The following TTC34 variants were observed in gnomAD, a reference collection of about 807,000 sequenced individuals.
The protein encoded by TTC34 is tetratricopeptide repeat domain 34, also known as tetratricopeptide repeat protein 34.
TTC34 carries 44 observed loss-of-function variants against 40.7 expected under a neutral mutation model. That is an observed-to-expected ratio of 1.08 (90% CI 0.85 to 1.39). The LOEUF (loss-of-function observed/expected upper bound fraction) is 1.39, where lower values mean the gene tolerates loss of function less well. Ranked by LOEUF, TTC34 falls within the 40% of genes most tolerant of loss-of-function variation. The probability of loss-of-function intolerance (pLI) is 0.00; values close to 1 mark genes in which losing one functional copy is unlikely to be tolerated. For synonymous variants in TTC34, 422 were observed against 398.6 expected (o/e 1.06, Z -0.70); for missense variants, 884 against 838.0 (o/e 1.05, Z -0.68).
intron 8 of TTC34, among the ~76,000 whole-genome samples, chr1:2,642,481 G>T (rs1372713519): frequency 6.6e-6 from 1 of 152,178 alleles, no homozygotes; most frequent in East Asian, 1.9e-4. Flanking sequence ...TGTGCTGTGG[G>T]CTGCTGCTGG....
Position 2,751,859 on chromosome 1 carries a change from A to T in TTC34, c.2226+31750T>A, listed in dbSNP as rs1329411641. 1.9e-5 allele frequency among the ~76,000 whole-genome samples: 2 copies of T among 105,404 alleles called. 1 individual carries two copies. The highest frequency in any genetic ancestry group is 3.6e-5 in the Non-Finnish European group (2 of 55,026). The allele number at this position is 105,404 out of a possible 152,430, so 69.1% of individuals were successfully genotyped here. On this transcript the variant is annotated intron_variant, in intron 6 of 8. Coordinates refer to ENST00000401095, the Ensembl canonical transcript of TTC34. Reference sequence around the variant, plus strand: ...GAACAGCACCCTGCACCCCCAAGTGAGCATCCGACAGCCTGGAGCAGCACC... The same window carrying T: ...GAACAGCACCCTGCACCCCCAAGTGTGCATCCGACAGCCTGGAGCAGCACC...
intron 6 of TTC34, among the ~76,000 whole-genome samples, chr1:2,753,639 C>G (rs1264962318): frequency 5.6e-5 from 6 of 106,782 alleles, no homozygotes; most frequent in African/African-American, 3.1e-4. Context: ...CTTCTGACAG[C>G]CTGGAGCAGC....
chr1:2,691,269 T>A (rs74211938), intron 6 of TTC34, among the ~76,000 whole-genome samples: 20 of 67,830 alleles, frequency 2.9e-4, no homozygotes, highest in African/African-American at 4.5e-4. Flanking sequence ...CACCCCCAGG[T>A]GAGAATCCGA....
At chr1:2,780,071 G>A (rs1027244906) in intron 6 of TTC34, among the ~76,000 whole-genome samples, 10 of 152,128 alleles carry the variant, frequency 6.6e-5, no homozygotes, top group African/African-American at 2.2e-4. Flanking sequence ...CTGAGATCCC[G>A]CCACTGCACT....
chr1:2,699,409 A>C (rs1400976549), intron 6 of TTC34, among the ~76,000 whole-genome samples: 2 of 79,202 alleles, frequency 2.5e-5, no homozygotes, highest in East Asian at 4.8e-4. Context: ...ACAGCACCCC[A>C]CACCCCAAGG....
intron 6 of TTC34, among the ~76,000 whole-genome samples, chr1:2,653,690 C>A (rs1428137048): frequency 1.5e-4 from 23 of 151,534 alleles, no homozygotes; most frequent in African/African-American, 4.4e-4. Flanking sequence ...GCACCCACAC[C>A]CCCAGGTGAG....
chr1:2,681,104 C>A (rs1189828120), intron 6 of TTC34, among the ~76,000 whole-genome samples: 3 of 86,446 alleles, frequency 3.5e-5, no homozygotes, highest in Non-Finnish European at 8.1e-5. Flanking sequence ...GTGCCCACAC[C>A]CCCAGGTGAG....
exon 2 of TTC34, chr1:2,800,743 C>T (rs1021132551): frequency 6.0e-5 from 24 of 398,786 alleles, no homozygotes; most frequent in Non-Finnish European, 9.7e-5. Context: ...AGGTAGAAGG[C>T]GGTGGCCAGG....
Position 2,641,660 on chromosome 1 carries a change from T to A in TTC34, c.2948A>T (p.Gln983Leu), listed in dbSNP as rs1212304499. ...CCCCAGGCTCAGCAGCAGGCGACCCTGACGGCAGAAGTCCTCTGCCCGCCT... is the reference window on the plus strand; with the variant it reads ...CCCCAGGCTCAGCAGCAGGCGACCCAGACGGCAGAAGTCCTCTGCCCGCCT... The change falls in exon 9 of 9, where the codon CAG becomes CTG. Residue 983 changes from glutamine (Q) to leucine (L), a missense_variant. Physicochemically the swap from Gln to Leu is moderately radical, Grantham distance 113 (BLOSUM62 -2). Coordinates refer to ENST00000401095, the Ensembl canonical transcript of TTC34. 3 of 1,535,378 alleles carry A rather than the reference T, an allele frequency of 2.0e-6. No individual in the cohort carries two copies. The South Asian group carries it at 3.6e-5, about 18-fold the overall frequency.
At chr1:2,793,195 A>T (rs980680315) in intron 2 of TTC34, among the ~76,000 whole-genome samples, 3 of 152,040 alleles carry the variant, frequency 2.0e-5, no homozygotes, top group Non-Finnish European at 4.4e-5. Context: ...TTTTTTCCCC[A>T]ATCTGGTGGG....
At chr1:2,776,358 A>G (rs541622467) in intron 6 of TTC34, 37 of 136,518 alleles carry the variant, frequency 2.7e-4, no homozygotes, top group Non-Finnish European at 5.0e-4. Flanking sequence ...CTGGTAAAAC[A>G]ACCCCCTTCA....
At chr1:2,756,653 A>C (rs1641515781) in intron 6 of TTC34, among the ~76,000 whole-genome samples, 34 of 150,918 alleles carry the variant, frequency 2.3e-4, no homozygotes, top group African/African-American at 5.3e-4. Context: ...GACAGCCTGG[A>C]ACAGCACCCA....
In TTC34 at chr1:2,641,682, G is replaced by A. The variant is rs562631002; in HGVS notation, c.2926C>T (p.Arg976Trp). 459 of 1,535,454 alleles carry A rather than the reference G, an allele frequency of 3.0e-4. 9 individuals carry two copies. The East Asian group carries it at 7.1e-3, about 24-fold the overall frequency. Residue 976 changes from arginine (R) to tryptophan (W), a missense_variant, in exon 9 of 9, where the codon CGG becomes TGG. Arg to Trp is a moderately radical substitution (Grantham distance 101, BLOSUM62 -3). Transcript: ENST00000401095. Reference sequence around the variant, plus strand: ...CCCTGACGGCAGAAGTCCTCTGCCCGCCTTGGGAGGTCACCATCCCCCAGC... The same window carrying A: ...CCCTGACGGCAGAAGTCCTCTGCCCACCTTGGGAGGTCACCATCCCCCAGC...
At chr1:2,797,311 C>CTGGGGGGGGG (rs761900936) in intron 2 of TTC34, among the ~76,000 whole-genome samples, 74 of 152,206 alleles carry the variant, frequency 4.9e-4, no homozygotes, top group African/African-American at 1.7e-3. Context: ...GGGATGGGGG[C>CTGGGGGGGGG]TGGGGCACGA....
chr1:2,750,451 G>C (rs1475849736), intron 6 of TTC34, among the ~76,000 whole-genome samples: 2 of 104,986 alleles, frequency 1.9e-5, no homozygotes, highest in Non-Finnish European at 3.7e-5. Context: ...ACACACCCAG[G>C]CGAGTATCTG....
At chr1:2,748,492 C>G (rs1641218503) in intron 6 of TTC34, among the ~76,000 whole-genome samples, 2 of 138,490 alleles carry the variant, frequency 1.4e-5, no homozygotes, top group Admixed American at 7.2e-5. Flanking sequence ...CCCGGGTGAG[C>G]ATCCGATAGC....
intron 6 of TTC34, among the ~76,000 whole-genome samples, chr1:2,753,383 C>G (rs1261050020): frequency 1.5e-4 from 3 of 19,838 alleles, no homozygotes; most frequent in African/African-American, 8.0e-4. Context: ...CACCCCCAGG[C>G]GAGCATCTGA....
chr1:2,749,942 AC>A (rs1641262091), intron 6 of TTC34, among the ~76,000 whole-genome samples: 37 of 79,400 alleles, frequency 4.7e-4, no homozygotes, highest in Admixed American at 5.9e-4. Flanking sequence ...CGAGCATCTG[AC>A]GGCCTGGAAC....
rs1263106489 is a variant in TTC34 at position 2,683,399 on chromosome 1, T to G, written c.2227-37836A>C. ...TTGGAACAGCACCCACACGCCCAGG[T>G]GAGCATCCGATAGCCTGGAACACCA... On this transcript the variant is annotated intron_variant, in intron 6 of 8. Transcript: ENST00000401095. Among the ~76,000 whole-genome samples, 239 of 131,804 alleles carry G rather than the reference T, an allele frequency of 1.8e-3. 1 individual carries two copies. The highest frequency in any genetic ancestry group is 2.6e-3 in the Admixed American group (33 of 12,776). The allele number at this position is 131,804 out of a possible 152,430, so 86.5% of individuals were successfully genotyped here.
Sources: allele counts gnomAD v4.1 joint callset (sites outside exome capture counted in the v4.1 genomes callset), GRCh38; gene constraint gnomAD v4.1.1; transcripts MANE v1.5; gene names NCBI Gene and HGNC (gene_info 2026-07-23, HGNC 2026-07-21).